Variants in ZNF565 observed in about 807,000 individuals in gnomAD.
ZNF565 encodes zinc finger protein 565.
A neutral mutation model predicts 39.4 loss-of-function variants in ZNF565; 27 were observed. The ratio of observed to expected loss-of-function variants is 0.69; its 90% CI spans 0.51 to 0.95. The LOEUF is 0.95. ZNF565 is among the 40% of genes least tolerant of loss of function. The pLI is 0.00. For missense variants in ZNF565, 524 were observed against 621.1 expected (o/e 0.84, Z 1.66); for synonymous variants, 185 against 216.6 (o/e 0.85, Z 1.28).
At chr19:36,235,267 A>G (rs1175639378) in intron 1 of ZNF565, among the ~76,000 whole-genome samples, 1 of 151,618 alleles carries the variant, frequency 6.6e-6, no homozygotes, top group East Asian at 1.9e-4. Flanking sequence ...CATCCCAGGT[A>G]GACTTTCTAA....
At position 36,208,945 on chromosome 19, in the gene ZNF565, A is replaced by G. The variant is rs10417194; in HGVS notation, c.-66+5677T>C. Among the ~76,000 whole-genome samples, 1,065 of 152,084 alleles carry G rather than the reference A, an allele frequency of 7.0e-3. 10 individuals carry two copies. Among genetic ancestry groups the G allele is most frequent in the African/African-American group, 0.024 (986 of 41,490 alleles). On this transcript the variant is annotated intron_variant, in intron 1 of 4. Transcript: ENST00000304116. ...CCTCCCAGACTCAAGAGATTCTCCTACCTCAGCCTCCCAAATAGCTGGGAC... is the reference window on the plus strand; with the variant it reads ...CCTCCCAGACTCAAGAGATTCTCCTGCCTCAGCCTCCCAAATAGCTGGGAC...
chr19:36,229,282 C>A (rs757366065), intron 1 of ZNF565, among the ~76,000 whole-genome samples: 8 of 152,220 alleles, frequency 5.3e-5, no homozygotes, highest in African/African-American at 1.9e-4. Flanking sequence ...TCTCTGCCAT[C>A]GTAGATCCAT....
In ZNF565 at chr19:36,201,766, C is replaced by T. The variant is rs140400785; in HGVS notation, c.9+211G>A. 7.5e-3 allele frequency among the ~76,000 whole-genome samples: 1,146 copies of T among 152,192 alleles called. 8 individuals carry two copies. Among genetic ancestry groups the T allele is most frequent in the Middle Eastern group, 0.031 (9 of 294 alleles). ...CTGAGATTACAGGCATGTGCCACTA[C>T]GCCTAGCCTATGCTCTGCTAAGAGG... On this transcript the variant is annotated intron_variant, in intron 2 of 4. Transcript: ENST00000304116.
upstream of ZNF565, among the ~76,000 whole-genome samples, chr19:36,219,567 C>T (rs1976751257): frequency 6.6e-6 from 1 of 152,140 alleles, no homozygotes; most frequent in South Asian, 2.1e-4. Flanking sequence ...GGTGATCTTA[C>T]ATACTTCAAA....
intron 2 of ZNF565, among the ~76,000 whole-genome samples, chr19:36,200,197 T>C (rs2145338739): frequency 6.6e-6 from 1 of 151,660 alleles, no homozygotes; most frequent in South Asian, 2.1e-4. Flanking sequence ...GGCTAATTTT[T>C]GTATTTTCAG....
At chr19:36,222,817 G>T (rs1599964457) in intron 1 of ZNF565, among the ~76,000 whole-genome samples, 1 of 126,458 alleles carries the variant, frequency 7.9e-6, no homozygotes, top group Non-Finnish European at 1.7e-5. Context: ...ATTTGCATTT[G>T]GACATTGTTC....
At position 36,194,220 on chromosome 19, in the gene ZNF565, G is replaced by A. The variant is rs775969285; in HGVS notation, c.232+13C>T. 7 of 1,602,672 alleles carry A rather than the reference G, an allele frequency of 4.4e-6. No individual in the cohort carries two copies. The highest frequency in any genetic ancestry group is 2.7e-5 in the African/African-American group (2 of 74,694). On this transcript the variant is annotated intron_variant, in intron 4 of 4. Coordinates refer to ENST00000304116, the MANE Select transcript of ZNF565 (RefSeq NM_152477.5). ...CCAGGGACCTTCCCCTGTCGAAATC[G>A]GCCCTCGCTTACCTGGGCACCATGG...
At position 36,194,324 on chromosome 19, in the gene ZNF565, G is replaced by A. The variant is rs1277849893; in HGVS notation, c.141C>T (p.Leu47=). 4 of 1,609,252 alleles carry A rather than the reference G, an allele frequency of 2.5e-6. No individual in the cohort carries two copies. Among genetic ancestry groups the A allele is most frequent in the South Asian group, 2.2e-5 (2 of 90,150 alleles). ...ENFGHLASLG[L]SISKPDVVSL... is the part of the protein sequence containing the mutation. ...AGACGACATCAGGCTTAGAAATGGAGAGTCCTGTTTACAGGAAAAGAAATG... is the reference window on the plus strand; with the variant it reads ...AGACGACATCAGGCTTAGAAATGGAAAGTCCTGTTTACAGGAAAAGAAATG... Residue 47 remains leucine (L), a synonymous_variant, in exon 4 of 5, where the codon CTC becomes CTT. Coordinates refer to ENST00000304116, the MANE Select transcript of ZNF565 (RefSeq NM_152477.5).
At chr19:36,185,377 G>A (rs1394671384) in intron 4 of ZNF565, among the ~76,000 whole-genome samples, 1 of 149,490 alleles carries the variant, frequency 6.7e-6, no homozygotes, top group Non-Finnish European at 1.5e-5. Flanking sequence ...TCGCACCACT[G>A]CACTCCAGCC....
intron 1 of ZNF565, among the ~76,000 whole-genome samples, chr19:36,209,700 A>G (rs1976283727): frequency 6.6e-6 from 1 of 152,166 alleles, no homozygotes; most frequent in African/African-American, 2.4e-5. Context: ...ACAGTAATAA[A>G]TGAACAATCT....
At chr19:36,234,534 C>G (rs1977560648) in intron 1 of ZNF565, among the ~76,000 whole-genome samples, 1 of 152,268 alleles carries the variant, frequency 6.6e-6, no homozygotes, top group Admixed American at 6.5e-5. Context: ...TCAAGCTTTG[C>G]ATCTGGTTGC....
chr19:36,235,224 G>A (rs985808450), intron 1 of ZNF565, among the ~76,000 whole-genome samples: 3 of 122,752 alleles, frequency 2.4e-5, no homozygotes, highest in African/African-American at 3.4e-5. Context: ...AAAAAAAGAA[G>A]AAAGAAAGAT....
At chr19:36,221,390 G>T (rs567745211) in intron 1 of ZNF565, among the ~76,000 whole-genome samples, 1 of 144,438 alleles carries the variant, frequency 6.9e-6, no homozygotes, top group Non-Finnish European at 1.5e-5. Flanking sequence ...CCGGGTTCAC[G>T]CCATTCTTCT....
At chr19:36,229,948 A>G (rs1013718499) in intron 1 of ZNF565, among the ~76,000 whole-genome samples, 5 of 152,126 alleles carry the variant, frequency 3.3e-5, no homozygotes, top group African/African-American at 9.7e-5. Flanking sequence ...TCCAACTCCT[A>G]TCCTCAAGTG....
intron 1 of ZNF565, among the ~76,000 whole-genome samples, chr19:36,204,186 C>A (rs181078124): frequency 2.0e-5 from 3 of 151,888 alleles, no homozygotes; most frequent in Non-Finnish European, 4.4e-5. Context: ...CTGAGCTCAA[C>A]TGATCTGCCC....
At chr19:36,236,844 A>G (rs780481319) in intron 1 of ZNF565, 1 of 1,614,130 alleles carries the variant, frequency 6.2e-7, no homozygotes, top group South Asian at 1.1e-5. Context: ...GAGTGTGGAA[A>G]AACCTTCAGT....
At chr19:36,194,792 CAGG>C (rs1393375688) in intron 3 of ZNF565, 10 of 619,636 alleles carry the variant, frequency 1.6e-5, no homozygotes, top group Non-Finnish European at 2.9e-5. Flanking sequence ...GATCAGTGGA[CAGG>C]AGGAGAGAGA....
chr19:36,228,159 A>C (rs1977158842), intron 1 of ZNF565, among the ~76,000 whole-genome samples: 1 of 41,182 alleles, frequency 2.4e-5, no homozygotes, highest in African/African-American at 7.4e-5. Flanking sequence ...AAACTGTCTC[A>C]AAAAAAAAAA....
At chr19:36,230,012 G>A (rs183398181) in intron 1 of ZNF565, among the ~76,000 whole-genome samples, 5 of 152,252 alleles carry the variant, frequency 3.3e-5, no homozygotes, top group South Asian at 2.1e-4. Context: ...GAGCCACCGC[G>A]CCTGGCTAAC....
Sources: gnomAD v4.1 joint callset for allele counts (sites outside exome capture counted in the v4.1 genomes callset) on GRCh38, gnomAD v4.1.1 for gene constraint, MANE v1.5 for transcripts, NCBI Gene and HGNC (gene_info 2026-07-23, HGNC 2026-07-21) for gene names.